Variants in CLVS1 observed in about 807,000 individuals in gnomAD.
CLVS1 encodes clavesin-1.
A neutral mutation model predicts 33.1 loss-of-function variants in CLVS1; 10 were observed. That is an observed-to-expected ratio of 0.30 (90% CI 0.19 to 0.51). The LOEUF is 0.51. CLVS1 is among the 20% of genes least tolerant of loss of function. CLVS1 has a pLI of 0.97. For synonymous variants in CLVS1, 163 were observed against 166.1 expected (o/e 0.98, Z 0.14); for missense variants, 343 against 433.4 (o/e 0.79, Z 1.85).
chr8:60,972,439 A>T, the CLVS1 span, among the ~76,000 whole-genome samples: 1 of 152,174 alleles, frequency 6.6e-6, no homozygotes, highest in African/African-American at 2.4e-5. Context: ...TAATTTTAAA[A>T]CTCATGAAAA....
At chr8:61,344,696 G>A (rs28419747) in intron 2 of CLVS1, among the ~76,000 whole-genome samples, 73,767 of 151,946 alleles carry the variant, frequency 0.49, 18,183 homozygotes, top group East Asian at 0.64. Flanking sequence ...TACTTCATAA[G>A]TACATGAATA....
At position 61,499,504 on chromosome 8, in the gene CLVS1, G is replaced by C; in HGVS notation, c.1027G>C (p.Glu343Gln). The C allele has an allele frequency of 5.6e-6, 9 of 1,613,832 alleles. No homozygotes were observed. Among genetic ancestry groups the C allele is most frequent in the Non-Finnish European group, 7.6e-6 (9 of 1,179,780 alleles). ...AGTLKHEEKG[E>Q]NENTQPLLAL... The stretch of plus-strand genomic sequence containing the variant: ...GACCCTGAAACATGAGGAGAAGGGA[G>C]AGAATGAGAACACCCAGCCACTCCT... The change falls in exon 6 of 6, where the codon GAG becomes CAG. Residue 343 changes from glutamate (E) to glutamine (Q), a missense_variant. This residue lies in a region of CLVS1 where 86 missense variants were observed against 95.0 expected (regional missense o/e 0.91). Coordinates refer to ENST00000325897, the MANE Select transcript of CLVS1 (RefSeq NM_173519.3).
chr8:61,275,590 G>T (rs529637382), intron 2 of CLVS1, among the ~76,000 whole-genome samples: 1 of 152,198 alleles, frequency 6.6e-6, no homozygotes, highest in Admixed American at 6.5e-5. Context: ...TAAAAAGGAA[G>T]CTTAGTTCGA....
intron 2 of CLVS1, among the ~76,000 whole-genome samples, chr8:61,209,463 C>T (rs913953200): frequency 1.3e-5 from 2 of 152,128 alleles, no homozygotes; most frequent in African/African-American, 2.4e-5. Context: ...ACCATAAGCA[C>T]GGTGACCTGC....
At chr8:61,221,196 C>G (rs114844574) in intron 2 of CLVS1, among the ~76,000 whole-genome samples, 1,538 of 152,136 alleles carry the variant, frequency 0.01, 35 homozygotes, top group African/African-American at 0.034. Flanking sequence ...GCCTGGTTGC[C>G]CTGGCCAGCA....
chr8:61,399,661 G>C (rs548261072), intron 3 of CLVS1, among the ~76,000 whole-genome samples: 8 of 152,270 alleles, frequency 5.3e-5, no homozygotes, highest in Non-Finnish European at 7.4e-5. Context: ...GGTTTTTATA[G>C]TTTTGGGTTT....
the CLVS1 span, among the ~76,000 whole-genome samples, chr8:61,033,470 G>A: frequency 1.3e-5 from 2 of 152,174 alleles, no homozygotes; most frequent in South Asian, 4.2e-4. Context: ...GGGCTGGGGA[G>A]GAACAGGGCA....
At chr8:60,979,223 A>T in the CLVS1 span, among the ~76,000 whole-genome samples, 2 of 152,188 alleles carry the variant, frequency 1.3e-5, no homozygotes, top group African/African-American at 2.4e-5. Context: ...GGGGTTGTTG[A>T]ACTAGACAGT....
At chr8:61,251,963 T>C (rs1376291131) in intron 2 of CLVS1, among the ~76,000 whole-genome samples, 2 of 152,216 alleles carry the variant, frequency 1.3e-5, no homozygotes, top group African/African-American at 2.4e-5. Context: ...TGCTAATTTT[T>C]GAATTTGTTT....
chr8:60,980,075 T>A, the CLVS1 span, among the ~76,000 whole-genome samples: 1 of 152,162 alleles, frequency 6.6e-6, no homozygotes, highest in Non-Finnish European at 1.5e-5. Context: ...GATGAGAGGC[T>A]TAGGAGGGAG....
intron 2 of CLVS1, among the ~76,000 whole-genome samples, chr8:61,262,389 A>G (rs149877499): frequency 1.7e-3 from 266 of 152,152 alleles, no homozygotes; most frequent in Non-Finnish European, 3.0e-3. Flanking sequence ...CATCAAACGT[A>G]TAGTCCTTCC....
At chr8:61,073,968 C>T (rs757509335) in intron 1 of CLVS1, among the ~76,000 whole-genome samples, 26 of 144,388 alleles carry the variant, frequency 1.8e-4, no homozygotes, top group South Asian at 4.3e-4. Flanking sequence ...GCCAAGATCG[C>T]GCCACTGCAC....
intron 2 of CLVS1, among the ~76,000 whole-genome samples, chr8:61,274,574 T>C (rs961925773): frequency 6.6e-6 from 1 of 152,204 alleles, no homozygotes; most frequent in Non-Finnish European, 1.5e-5. Flanking sequence ...ATGTAGCGAA[T>C]CTGAGATGTT....
At chr8:61,249,042 C>G (rs1237797667) in intron 2 of CLVS1, among the ~76,000 whole-genome samples, 2 of 152,086 alleles carry the variant, frequency 1.3e-5, no homozygotes, top group East Asian at 3.9e-4. Context: ...TTAGATATTT[C>G]TCCTAATGCT....
At chr8:61,035,387 A>C in the CLVS1 span, among the ~76,000 whole-genome samples, 2 of 152,136 alleles carry the variant, frequency 1.3e-5, no homozygotes, top group Non-Finnish European at 2.9e-5. Context: ...GACTGGTAAA[A>C]TGATGAGAAG....
the CLVS1 span, among the ~76,000 whole-genome samples, chr8:61,019,908 A>G: frequency 8.5e-5 from 13 of 152,170 alleles, no homozygotes; most frequent in Non-Finnish European, 1.8e-4. Context: ...AGAGCTAAAC[A>G]ATTTCAGGGA....
the CLVS1 span, among the ~76,000 whole-genome samples, chr8:61,022,261 T>C: frequency 6.6e-6 from 1 of 152,214 alleles, no homozygotes; most frequent in Non-Finnish European, 1.5e-5. Context: ...GAGATTCTGT[T>C]TTCCAAGAAA....
the CLVS1 span, among the ~76,000 whole-genome samples, chr8:60,983,464 G>A: frequency 6.6e-6 from 1 of 152,180 alleles, no homozygotes; most frequent in East Asian, 1.9e-4. Flanking sequence ...GGAGGGCAAG[G>A]GAACCAAGGA....
At chr8:61,040,173 T>C in the CLVS1 span, among the ~76,000 whole-genome samples, 2 of 152,300 alleles carry the variant, frequency 1.3e-5, no homozygotes, top group African/African-American at 2.4e-5. Flanking sequence ...AGGACATAAT[T>C]TCATTCTTTT....
Sources: allele counts gnomAD v4.1 joint callset (sites outside exome capture counted in the v4.1 genomes callset), GRCh38; gene constraint gnomAD v4.1.1; regional missense constraint gnomAD v4.1.1; transcripts MANE v1.5; gene names NCBI Gene and HGNC (gene_info 2026-07-23, HGNC 2026-07-21).